FNDC3A: variants seen among roughly 807,000 people sequenced by gnomAD.
FNDC3A encodes fibronectin type III domain containing 3A, also known as fibronectin type-III domain-containing protein 3A.
Under a neutral mutation model 148.9 loss-of-function variants are expected in FNDC3A, and 32 were observed. That is an observed-to-expected ratio of 0.21 (90% confidence interval 0.16 to 0.29). The LOEUF (loss-of-function observed/expected upper bound fraction) is 0.29. FNDC3A is among the 10% of genes least tolerant of loss of function. FNDC3A has a pLI of 1.00. For missense variants in FNDC3A, 1,191 were observed against 1,452.8 expected (o/e 0.82, Z 2.93); for synonymous variants, 472 against 473.6 (o/e 1.00, Z 0.04).
Position 49,131,282 on chromosome 13 carries a change from C to T in FNDC3A, c.398C>T (p.Pro133Leu). The T allele has an allele frequency of 6.2e-7, 1 of 1,613,984 alleles. No homozygotes were observed. The highest frequency in any genetic ancestry group is 8.5e-7 in the Non-Finnish European group (1 of 1,179,976). The change falls in exon 5 of 26, where the codon CCA becomes CTA. Residue 133 changes from proline to leucine, a missense_variant. By Grantham distance (98) the Pro-to-Leu change is moderately conservative. Around this residue, in one of 3 missense-constraint regions of FNDC3A, gnomAD observed 426 missense variants for 473.2 expected, o/e 0.90. Coordinates refer to ENST00000492622, the MANE Select transcript of FNDC3A (RefSeq NM_001079673.2). The stretch of plus-strand genomic sequence containing the variant: ...GTCCCAACTATGATGCCGCCTCCAC[C>T]ACGTCATATGTACTCACCCGTGACT... ...IPVPTMMPPP[P>L]RHMYSPVTGA... is the part of the protein sequence containing the mutation.
intron 4 of FNDC3A, 86 bp downstream of exon 4, chr13:49,114,817 C>G: frequency 1.1e-6 from 1 of 938,896 alleles, no homozygotes. Context: ...TTTAAAAAAA[C>G]CATTTAATTA....
chr13:49,197,630 C>A, intron 20 of FNDC3A, 95 bp from the exon 21 acceptor site: 1 of 958,184 alleles, frequency 1.0e-6, no homozygotes, highest in Non-Finnish European at 1.6e-6. Flanking sequence ...CAAAAGCAAT[C>A]TAGTTTTACA....
At chr13:48,986,428 C>T (rs1323517545) in intron 1 of FNDC3A, among the ~76,000 whole-genome samples, 5 of 98,248 alleles carry the variant, frequency 5.1e-5, no homozygotes, top group African/African-American at 2.0e-4. Context: ...CGGAGTCTTG[C>T]TCTGTCGCCC....
intron 24 of FNDC3A, 69 bp from the exon 25 acceptor site, chr13:49,203,087 CA>C: frequency 1.0e-6 from 1 of 956,428 alleles, no homozygotes; most frequent in Non-Finnish European, 1.6e-6. Context: ...TTTATTAAGA[CA>C]AGTGTCTGCA....
intron 1 of FNDC3A, among the ~76,000 whole-genome samples, chr13:48,996,676 A>G (rs1171085718): frequency 2.0e-5 from 3 of 152,160 alleles, no homozygotes; most frequent in African/African-American, 7.2e-5. Context: ...CCAAGGAACA[A>G]CTGCATATGA....
chr13:49,110,797 G>C (rs1355387485), intron 3 of FNDC3A, among the ~76,000 whole-genome samples: 1 of 152,144 alleles, frequency 6.6e-6, no homozygotes, highest in Non-Finnish European at 1.5e-5. Flanking sequence ...TCTTAAATAT[G>C]AATGTATATT....
chr13:49,173,959 CAGT>C (rs1330995988), intron 11 of FNDC3A, among the ~76,000 whole-genome samples: 8 of 152,154 alleles, frequency 5.3e-5, no homozygotes, highest in Admixed American at 5.2e-4. Context: ...TTAATCTAAG[CAGT>C]AGAAGCGCCA....
chr13:49,187,055 T>A (rs2138093843), intron 15 of FNDC3A, 67 bp from the exon 16 acceptor site: 1 of 1,203,338 alleles, frequency 8.3e-7, no homozygotes, highest in East Asian at 2.4e-5. Flanking sequence ...TTCTGTTTAT[T>A]AGGTTTTTTT....
chr13:49,181,714 A>G (rs1885312964), intron 14 of FNDC3A, among the ~76,000 whole-genome samples: 1 of 152,164 alleles, frequency 6.6e-6, no homozygotes, highest in Non-Finnish European at 1.5e-5. Flanking sequence ...TAAAATCTTA[A>G]TATTTTAGAG....
intron 4 of FNDC3A, among the ~76,000 whole-genome samples, chr13:49,121,021 C>G (rs937444213): frequency 6.6e-6 from 1 of 152,140 alleles, no homozygotes; most frequent in African/African-American, 2.4e-5. Context: ...GAACTCTCCA[C>G]CCCAAATCCA....
chr13:49,024,644 T>C (rs1593486167), intron 2 of FNDC3A, among the ~76,000 whole-genome samples: 1 of 151,750 alleles, frequency 6.6e-6, no homozygotes, highest in Admixed American at 6.6e-5. Flanking sequence ...AACCTCTCAC[T>C]AGATGAAGAA....
At chr13:49,169,465 A>G (rs1214789947) in intron 10 of FNDC3A, among the ~76,000 whole-genome samples, 1 of 152,196 alleles carries the variant, frequency 6.6e-6, no homozygotes, top group Non-Finnish European at 1.5e-5. Context: ...AGAGGAAGAG[A>G]ACAATTCCCC....
intron 2 of FNDC3A, among the ~76,000 whole-genome samples, chr13:49,041,418 C>T (rs1874920118): frequency 6.6e-6 from 1 of 152,332 alleles, no homozygotes; most frequent in South Asian, 2.1e-4. Context: ...CCTCACGTTA[C>T]AAGACCTTAG....
intron 8 of FNDC3A, among the ~76,000 whole-genome samples, chr13:49,155,695 G>A (rs557420188): frequency 3.1e-4 from 25 of 79,948 alleles, no homozygotes; most frequent in African/African-American, 6.1e-4. Context: ...CTTTGAATGC[G>A]TCCCAGAGAT....
chr13:49,080,519 C>T (rs969894638), intron 3 of FNDC3A, among the ~76,000 whole-genome samples: 4 of 152,078 alleles, frequency 2.6e-5, no homozygotes, highest in African/African-American at 9.7e-5. Context: ...CTTGTTCTTA[C>T]GTTTTCATAG....
chr13:49,111,390 A>G (rs1880560391), intron 3 of FNDC3A, among the ~76,000 whole-genome samples: 1 of 152,166 alleles, frequency 6.6e-6, no homozygotes, highest in Non-Finnish European at 1.5e-5. Flanking sequence ...CTTCACAGCA[A>G]TATTTTAGGC....
At chr13:49,192,349 C>T (rs928082315) in intron 19 of FNDC3A, among the ~76,000 whole-genome samples, 1 of 152,132 alleles carries the variant, frequency 6.6e-6, no homozygotes, top group African/African-American at 2.4e-5. Flanking sequence ...GGGTGGAATG[C>T]AGTGGTGTGA....
intron 19 of FNDC3A, among the ~76,000 whole-genome samples, chr13:49,194,753 C>G (rs141112732): frequency 6.6e-6 from 1 of 152,036 alleles, no homozygotes; most frequent in Admixed American, 6.5e-5. Context: ...TCACAGTCTA[C>G]TTCTTGTTTT....
intron 10 of FNDC3A, among the ~76,000 whole-genome samples, chr13:49,169,209 A>G (rs1884633771): frequency 6.6e-6 from 1 of 152,256 alleles, no homozygotes; most frequent in African/African-American, 2.4e-5. Context: ...ACAAGAAGAT[A>G]CAATGAAGTG....
Sources: gnomAD v4.1 joint callset for allele counts (sites outside exome capture counted in the v4.1 genomes callset) on GRCh38, gnomAD v4.1.1 for gene constraint, gnomAD v4.1.1 regional missense constraint, MANE v1.5 for transcripts, NCBI Gene and HGNC (gene_info 2026-07-23, HGNC 2026-07-21) for gene names.